The following UNC13C variants were observed in gnomAD, a reference collection of about 807,000 sequenced individuals.
UNC13C encodes protein unc-13 homolog C.
A neutral mutation model predicts 245.4 loss-of-function variants in UNC13C; 174 were observed. The observed-to-expected ratio is 0.71, with a 90% CI of 0.63 to 0.80. The LOEUF (loss-of-function observed/expected upper bound fraction) is 0.80, where lower values mean the gene tolerates loss of function less well. Ranked by LOEUF, UNC13C falls within the 30% of genes least tolerant of loss-of-function variation. UNC13C has a pLI of 0.00. For missense variants in UNC13C, 2,829 were observed against 2,602.9 expected (o/e 1.09, Z -1.89); for synonymous variants, 992 against 895.1 (o/e 1.11, Z -1.93).
chr15:54,109,908 T>A (rs1318074669), intron 2 of UNC13C, among the ~76,000 whole-genome samples: 1 of 152,086 alleles, frequency 6.6e-6, no homozygotes, highest in Non-Finnish European at 1.5e-5. Flanking sequence ...ATCCCATCTG[T>A]CTTGGACATC....
At chr15:54,059,680 C>T (rs1258757814) in intron 2 of UNC13C, among the ~76,000 whole-genome samples, 1 of 152,120 alleles carries the variant, frequency 6.6e-6, no homozygotes, top group African/African-American at 2.4e-5. Context: ...GCCAAAAAAA[C>T]AAAGCTGGAG....
At chr15:54,247,547 C>A (rs74013542) in intron 7 of UNC13C, among the ~76,000 whole-genome samples, 3,858 of 152,088 alleles carry the variant, frequency 0.025, 160 homozygotes, top group African/African-American at 0.089. Context: ...TAATTTTCAG[C>A]TTTGATAAAT....
At chr15:54,491,859 G>A (rs747827125) in intron 19 of UNC13C, among the ~76,000 whole-genome samples, 7 of 151,842 alleles carry the variant, frequency 4.6e-5, no homozygotes, top group Non-Finnish European at 1.0e-4. Flanking sequence ...GCGTGGTAGC[G>A]GGCGCCTGTA....
chr15:54,223,933 A>C (rs1176464567), intron 4 of UNC13C, among the ~76,000 whole-genome samples: 1 of 151,852 alleles, frequency 6.6e-6, no homozygotes, highest in East Asian at 1.9e-4. Context: ...TTTTGTTTTC[A>C]TATTGTTTGC....
At chr15:53,873,898 TC>T in the UNC13C span, among the ~76,000 whole-genome samples, 1 of 40,582 alleles carries the variant, frequency 2.5e-5, no homozygotes, top group Non-Finnish European at 4.7e-5. Flanking sequence ...TCCTTCTCTT[TC>T]CTTCCTTCCT....
At chr15:54,595,098 G>C (rs1596639283) in intron 30 of UNC13C, among the ~76,000 whole-genome samples, 2 of 152,308 alleles carry the variant, frequency 1.3e-5, no homozygotes, top group South Asian at 2.1e-4. Context: ...CTTGAGCAAA[G>C]GCATGTGTCT....
chr15:54,240,171 CTG>C (rs1026506537), intron 7 of UNC13C, among the ~76,000 whole-genome samples: 3 of 147,998 alleles, frequency 2.0e-5, no homozygotes, highest in African/African-American at 7.6e-5. Flanking sequence ...TAAAAAAAAA[CTG>C]TGTTGGTGTT....
At chr15:54,134,563 AG>A (rs2031630864) in intron 2 of UNC13C, among the ~76,000 whole-genome samples, 1 of 151,994 alleles carries the variant, frequency 6.6e-6, no homozygotes, top group African/African-American at 2.4e-5. Context: ...GCTGTCTCCC[AG>A]ACTGGAGTGC....
At chr15:54,386,849 A>C (rs926500570) in intron 17 of UNC13C, among the ~76,000 whole-genome samples, 1 of 152,268 alleles carries the variant, frequency 6.6e-6, no homozygotes, top group South Asian at 2.1e-4. Flanking sequence ...GGAAGAGAGA[A>C]GAGGGGCATG....
chr15:53,842,793 C>T, the UNC13C span, among the ~76,000 whole-genome samples: 21 of 151,842 alleles, frequency 1.4e-4, 1 homozygote, highest in South Asian at 2.9e-3. Context: ...ACTATAGTAG[C>T]TGATTTATTG....
intron 30 of UNC13C, among the ~76,000 whole-genome samples, chr15:54,596,822 C>T (rs1235609865): frequency 6.6e-6 from 1 of 152,150 alleles, no homozygotes; most frequent in Non-Finnish European, 1.5e-5. Context: ...ACAGCTACTT[C>T]CCCTTTGCCT....
intron 17 of UNC13C, among the ~76,000 whole-genome samples, chr15:54,385,826 A>G (rs951644274): frequency 1.3e-5 from 2 of 152,088 alleles, no homozygotes; most frequent in Non-Finnish European, 2.9e-5. Flanking sequence ...TACCCCATAA[A>G]TTTGTAAATT....
intron 6 of UNC13C, 142 bp from the exon 7 acceptor site, chr15:54,237,477 G>T: frequency 1.4e-6 from 1 of 724,652 alleles, no homozygotes; most frequent in Non-Finnish European, 2.5e-6. Flanking sequence ...GGGTGAATCG[G>T]CTGATTACCA....
intron 29 of UNC13C, among the ~76,000 whole-genome samples, chr15:54,565,288 A>G (rs1897461857): frequency 6.6e-6 from 1 of 151,956 alleles, no homozygotes; most frequent in Non-Finnish European, 1.5e-5. Context: ...TTGCTTTATA[A>G]TGTTAGCATC....
At chr15:54,307,843 A>G (rs1596189419) in intron 13 of UNC13C, among the ~76,000 whole-genome samples, 1 of 152,094 alleles carries the variant, frequency 6.6e-6, no homozygotes, top group Non-Finnish European at 1.5e-5. Context: ...TCAAAACAGA[A>G]GTGACATTTA....
intron 17 of UNC13C, among the ~76,000 whole-genome samples, chr15:54,344,710 G>T (rs1190587243): frequency 6.6e-6 from 1 of 152,086 alleles, no homozygotes; most frequent in African/African-American, 2.4e-5. Flanking sequence ...AAGAGCTCAA[G>T]TTAAGACCTT....
intron 19 of UNC13C, among the ~76,000 whole-genome samples, chr15:54,444,149 T>G (rs1403545566): frequency 1.3e-5 from 2 of 151,882 alleles, no homozygotes; most frequent in East Asian, 3.9e-4. Context: ...TATAATAATC[T>G]TCTTTGTTTC....
intron 19 of UNC13C, among the ~76,000 whole-genome samples, chr15:54,460,684 G>T (rs1272454502): frequency 6.6e-6 from 1 of 152,234 alleles, no homozygotes; most frequent in Non-Finnish European, 1.5e-5. Flanking sequence ...CAGTTTTCCA[G>T]TTGTCTTGCA....
At chr15:53,890,974 C>G in the UNC13C span, among the ~76,000 whole-genome samples, 64 of 152,274 alleles carry the variant, frequency 4.2e-4, no homozygotes, top group African/African-American at 1.4e-3. Context: ...AATTTTAGAT[C>G]TTTCCTGCTT....
Sources: gnomAD v4.1 joint callset for allele counts (sites outside exome capture counted in the v4.1 genomes callset) on GRCh38, gnomAD v4.1.1 for gene constraint, MANE v1.5 for transcripts, NCBI Gene and HGNC (gene_info 2026-07-23, HGNC 2026-07-21) for gene names.